GPALPP1: variants seen among roughly 807,000 people sequenced by gnomAD.
GPALPP1 encodes the protein GPALPP motifs-containing protein 1.
Under a neutral mutation model 38.9 loss-of-function variants are expected in GPALPP1, and 30 were observed. The observed-to-expected ratio is 0.77, with a 90% confidence interval of 0.58 to 1.05. GPALPP1 has a LOEUF of 1.05. Among genes scored for constraint, GPALPP1 ranks in the 50% least tolerant of loss-of-function variants. GPALPP1 has a pLI of 0.00. For missense variants in GPALPP1, 384 were observed against 408.8 expected, an observed-to-expected ratio of 0.94 and a Z score of 0.52; for synonymous variants, 120 against 139.2, an observed-to-expected ratio of 0.86 and a Z score of 0.97.
chr13:45,008,125 A>C (rs1035178254), intron 3 of GPALPP1, among the ~76,000 whole-genome samples: 3 of 152,210 alleles, frequency 2.0e-5, no homozygotes, highest in African/African-American at 7.2e-5. Flanking sequence ...AGTGACTTAC[A>C]CTGACCAGGA....
At chr13:45,020,517 C>G (rs1461484152) in intron 7 of GPALPP1, 89 bp downstream of exon 7, 1 of 686,968 alleles carries the variant, frequency 1.5e-6, no homozygotes, top group Non-Finnish European at 2.6e-6. Context: ...AGGAGGATCA[C>G]TTGAGACGAA....
chr13:45,008,508 A>G (rs956900560), intron 3 of GPALPP1, among the ~76,000 whole-genome samples: 23 of 152,228 alleles, frequency 1.5e-4, no homozygotes, highest in African/African-American at 5.5e-4. Context: ...TTTATTTAAT[A>G]TAGTTCTTTT....
At chr13:45,026,952 C>T (rs1875875105) in intron 7 of GPALPP1, among the ~76,000 whole-genome samples, 1 of 152,162 alleles carries the variant, frequency 6.6e-6, no homozygotes, top group Non-Finnish European at 1.5e-5. Flanking sequence ...GGCATCTTCA[C>T]AAGAGGTAGT....
At chr13:45,008,260 A>G (rs1874237892) in intron 3 of GPALPP1, among the ~76,000 whole-genome samples, 1 of 152,228 alleles carries the variant, frequency 6.6e-6, no homozygotes. Context: ...AGGACAATGT[A>G]TAGATTTTTA....
chr13:45,018,395 T>TAA (rs202066209), intron 6 of GPALPP1, among the ~76,000 whole-genome samples: 4 of 128,248 alleles, frequency 3.1e-5, no homozygotes, highest in Non-Finnish European at 1.7e-5. Context: ...AGACTCTGTC[T>TAA]AAAAAAAAAA....
In GPALPP1 at chr13:45,019,014, TATAC is replaced by T. The variant is rs1424776117; in HGVS notation, c.706-1314_706-1311del. 1.4e-4 allele frequency among the ~76,000 whole-genome samples: 9 copies of T among 62,444 alleles called. 1 individual carries two copies. Among genetic ancestry groups the T allele is most frequent in the Admixed American group, 6.6e-4 (3 of 4,560 alleles). The allele number at this position is 62,444 out of a possible 152,430, so 41.0% of individuals were successfully genotyped here. ...ATAAATATATATACATATAAATATA[TATAC>T]ACATATAAATATATACATAGAAATA... On this transcript the variant is annotated intron_variant, in intron 6 of 7. Transcript: ENST00000379151.
Position 44,993,330 on chromosome 13 carries a change from T to C in GPALPP1, c.88+3588T>C, listed in dbSNP as rs529930253. Among the ~76,000 whole-genome samples the C allele has an allele frequency of 2.0e-5, 3 of 152,220 alleles. No individual in the cohort carries two copies. The South Asian group carries it at 6.2e-4, about 31-fold the overall frequency. ...CCAGAAATGGGATTGCTGGACCATG[T>C]GGTAATTCTACAACATTTTGAGAGG... On this transcript the variant is annotated intron_variant, in intron 1 of 7. Transcript: ENST00000379151.
chr13:45,007,761 C>T (rs1004431359), intron 3 of GPALPP1, among the ~76,000 whole-genome samples: 3 of 152,194 alleles, frequency 2.0e-5, no homozygotes, highest in Admixed American at 6.5e-5. Flanking sequence ...GAAATTTTAG[C>T]TTAGGACTTC....
At chr13:45,000,018 T>C (rs1170246755) in intron 1 of GPALPP1, among the ~76,000 whole-genome samples, 2 of 152,236 alleles carry the variant, frequency 1.3e-5, no homozygotes, top group Non-Finnish European at 2.9e-5. Context: ...CGTGATTATT[T>C]TTAAAAGGCC....
chr13:45,004,034 GCTATAT>G (rs753859192), intron 1 of GPALPP1, among the ~76,000 whole-genome samples: 6 of 151,656 alleles, frequency 4.0e-5, no homozygotes, highest in Non-Finnish European at 2.9e-5. Flanking sequence ...ACATGCTATT[GCTATAT>G]CTATAAGTTC....
At chr13:44,999,628 G>T (rs958050376) in intron 1 of GPALPP1, among the ~76,000 whole-genome samples, 2 of 152,106 alleles carry the variant, frequency 1.3e-5, no homozygotes, top group African/African-American at 2.4e-5. Context: ...TCACCAGACT[G>T]GAGTGCAGTG....
chr13:45,021,774 T>C (rs1310839878), intron 7 of GPALPP1, among the ~76,000 whole-genome samples: 1 of 152,148 alleles, frequency 6.6e-6, no homozygotes, highest in Non-Finnish European at 1.5e-5. Flanking sequence ...TGGGATGCCA[T>C]ATGAAGCGGT....
intron 1 of GPALPP1, among the ~76,000 whole-genome samples, chr13:44,997,014 A>G (rs1304236271): frequency 6.6e-6 from 1 of 151,734 alleles, no homozygotes; most frequent in African/African-American, 2.4e-5. Context: ...AGCTCCTGAC[A>G]AGCACCATTC....
At chr13:45,018,620 T>C (rs1875053703) in intron 6 of GPALPP1, among the ~76,000 whole-genome samples, 1 of 152,044 alleles carries the variant, frequency 6.6e-6, no homozygotes, top group African/African-American at 2.4e-5. Context: ...GCTATTTCTA[T>C]GTTTTTAACT....
At chr13:45,021,127 A>T (rs1329012221) in intron 7 of GPALPP1, among the ~76,000 whole-genome samples, 3 of 152,194 alleles carry the variant, frequency 2.0e-5, no homozygotes, top group Admixed American at 1.3e-4. Context: ...AAAATGGCAA[A>T]TGTTGGATGG....
Position 44,989,635 on chromosome 13 carries a change from A to T in GPALPP1, c.-20A>T, listed in dbSNP as rs764973124. On this transcript the variant is annotated 5_prime_UTR_variant, in exon 1 of 8. Transcript: ENST00000379151. Reference sequence around the variant, plus strand: ...GTTCGTGGATAGACTCATATCTGTGACCAGTGTCCGCCACCGCGGATGGCA... The same window carrying T: ...GTTCGTGGATAGACTCATATCTGTGTCCAGTGTCCGCCACCGCGGATGGCA... The T allele has an allele frequency of 6.2e-7, 1 of 1,603,134 alleles. No individual in the cohort carries two copies. The highest frequency in any genetic ancestry group is 2.2e-5 in the East Asian group (1 of 44,800).
intron 1 of GPALPP1, among the ~76,000 whole-genome samples, chr13:44,998,615 C>T (rs192263169): frequency 1.2e-4 from 19 of 152,334 alleles, no homozygotes; most frequent in African/African-American, 1.7e-4. Flanking sequence ...GACTACTCTT[C>T]GTCCAGTCCC....
chr13:45,009,596 T>C (rs1272992952), intron 4 of GPALPP1, among the ~76,000 whole-genome samples: 1 of 152,218 alleles, frequency 6.6e-6, no homozygotes, highest in Non-Finnish European at 1.5e-5. Flanking sequence ...TTTAAATCAC[T>C]TGTTCAATCT....
intron 7 of GPALPP1, among the ~76,000 whole-genome samples, chr13:45,024,166 T>TGTGTGTGC (rs1875627079): frequency 8.9e-6 from 1 of 112,860 alleles, no homozygotes. Flanking sequence ...TGTGTGTGTG[T>TGTGTGTGC]GTGTGTGTGT....
Sources: gnomAD v4.1 joint callset for allele counts (sites outside exome capture counted in the v4.1 genomes callset) on GRCh38, gnomAD v4.1.1 for gene constraint, MANE v1.5 for transcripts, NCBI Gene and HGNC (gene_info 2026-07-23, HGNC 2026-07-21) for gene names.